NEB: variants seen among roughly 807,000 people sequenced by gnomAD.
NEB encodes the protein nebulin.
In NEB, 512 loss-of-function variants were observed where a neutral mutation model predicts 952.2. That is an observed-to-expected ratio of 0.54 (90% confidence interval 0.50 to 0.58). The LOEUF is 0.58. NEB is among the 20% of genes least tolerant of loss of function. The pLI is 0.00. For missense variants in NEB, 8,428 were observed against 9,231.1 expected (o/e 0.91, Z 3.56); for synonymous variants, 2,900 against 3,149.8 (o/e 0.92, Z 2.66).
intron 34 of NEB, among the ~76,000 whole-genome samples, chr2:151,676,071 T>A (rs2099356989): frequency 6.6e-6 from 1 of 152,194 alleles, no homozygotes. Flanking sequence ...AGATTTTCAA[T>A]CTCATAATTC....
At chr2:151,506,758 G>T (rs2069333069) in intron 163 of NEB, 151 bp downstream of exon 163, 1 of 598,562 alleles carries the variant, frequency 1.7e-6, no homozygotes. Flanking sequence ...TGATTTTGGA[G>T]CAAAGTATTG....
chr2:151,500,470 A>G (rs1203069483), intron 168 of NEB, among the ~76,000 whole-genome samples: 1 of 152,124 alleles, frequency 6.6e-6, no homozygotes, highest in African/African-American at 2.4e-5. Flanking sequence ...AATATTAATA[A>G]AAGATAACAT....
intron 129 of NEB, 26 bp downstream of exon 129, chr2:151,551,712 G>A (rs764892301): frequency 6.4e-7 from 1 of 1,556,312 alleles, no homozygotes; most frequent in South Asian, 1.1e-5. Context: ...ATTTCTGCTG[G>A]GCACTCTCAA....
chr2:151,678,025 G>C lies in NEB; in HGVS notation c.3418C>G (p.Pro1140Ala), dbSNP rs958632222. Residue 1140 changes from proline to alanine, a missense_variant, in exon 33 of 182, where the codon CCC becomes GCC. Pro to Ala is a conservative substitution (Grantham distance 27). This residue lies in a region of NEB where 2,851 missense variants were observed against 2,791.5 expected (regional missense o/e 1.02). Coordinates refer to ENST00000397345, the MANE Select transcript of NEB (RefSeq NM_001164508.2). ...YEKTKSKYNT[P>A]HDMFNVVAAK... ...GCCACGACATTGAACATATCATGGG[G>C]CGTGTTGTATTTGGACTTTGTCTTC... 6.2e-7 allele frequency: 1 copy of C among 1,613,944 alleles called. No individual in the cohort carries two copies. Among genetic ancestry groups the C allele is most frequent in the Non-Finnish European group, 8.5e-7 (1 of 1,179,886 alleles).
Position 151,620,345 on chromosome 2 carries a change from G to GTATATATA in NEB, c.10560+573_10560+574insTATATATA, listed in dbSNP as rs775274994. 4.7e-3 allele frequency among the ~76,000 whole-genome samples: 412 copies of GTATATATA among 87,524 alleles called. 7 individuals are homozygous for GTATATATA. The highest frequency in any genetic ancestry group is 6.2e-3 in the Non-Finnish European group (285 of 46,132). 57.4% of individuals were successfully genotyped at this position (87,524 alleles called of 152,430 possible). On this transcript the variant is annotated intron_variant, in intron 72 of 181. Coordinates refer to ENST00000397345, the MANE Select transcript of NEB (RefSeq NM_001164508.2). ...TTTTATTATATATATATGTATGTGT[G>GTATATATA]TGTATATATATATATATATATATAT...
chr2:151,682,539 G>A (rs1225464558), intron 29 of NEB, 123 bp downstream of exon 29: 5 of 781,156 alleles, frequency 6.4e-6, no homozygotes, highest in Admixed American at 2.8e-5. Context: ...TGTGCACGTG[G>A]TAAGCTCTTT....
At position 151,610,038 on chromosome 2, in the gene NEB, C is replaced by A; in HGVS notation, c.12101G>T (p.Cys4034Phe). 1 of 1,613,806 alleles carries A rather than the reference C, an allele frequency of 6.2e-7. No homozygotes were observed. The highest frequency in any genetic ancestry group is 8.5e-7 in the Non-Finnish European group (1 of 1,179,820). ...QSIEDDPKIM[C>F]AIHAGKIQSE... Reference sequence around the variant, plus strand: ...TTGAATTTTTCCTGCATGTATGGCACACATAATCTTGGGATCATCTTCAAT... The same window carrying A: ...TTGAATTTTTCCTGCATGTATGGCAAACATAATCTTGGGATCATCTTCAAT... Residue 4034 changes from cysteine (C) to phenylalanine (F), a missense_variant, in exon 81 of 182, where the codon TGT (cysteine) becomes TTT (phenylalanine). Around this residue, in one of 11 missense-constraint regions of NEB, gnomAD observed 337 missense variants for 297.5 expected, o/e 1.13. Coordinates refer to ENST00000397345, the MANE Select transcript of NEB (RefSeq NM_001164508.2).
intron 36 of NEB, among the ~76,000 whole-genome samples, 196 bp downstream of exon 36, chr2:151,674,281 A>G (rs532427194): frequency 4.5e-4 from 69 of 152,342 alleles, no homozygotes; most frequent in African/African-American, 1.4e-3. Flanking sequence ...GATTTATGAC[A>G]GCTCTACCAA....
rs1450326061 is a variant in NEB, at chr2:151,513,122, C to T, written c.23242-285G>A. 3.3e-5 allele frequency among the ~76,000 whole-genome samples: 5 copies of T among 152,070 alleles called. No individual in the cohort carries two copies. In the East Asian group the frequency reaches 5.8e-4, roughly 18 times the overall value. ...TAGTAAGGCATGGATTGTTTACATACGAGCTGGGAGGATGACAAATAAGCA... is the reference window on the plus strand; with the variant it reads ...TAGTAAGGCATGGATTGTTTACATATGAGCTGGGAGGATGACAAATAAGCA... On this transcript the variant is annotated intron_variant, in intron 160 of 181. Transcript: ENST00000397345.
chr2:151,506,523 T>C (rs2069031775), intron 163 of NEB: 8 of 449,668 alleles, frequency 1.8e-5, no homozygotes, highest in South Asian at 4.2e-5. Context: ...CCAGGAAATG[T>C]TGATTAACAA....
chr2:151,499,497 G>C, intron 168 of NEB, 107 bp from the exon 169 acceptor site: 1 of 664,398 alleles, frequency 1.5e-6, no homozygotes. Context: ...AGACAGAAAA[G>C]ACAGATTCAA....
chr2:151,532,028 T>C, intron 143 of NEB, 132 bp from the exon 144 acceptor site: 1 of 615,388 alleles, frequency 1.6e-6, no homozygotes, highest in Non-Finnish European at 2.8e-6. Context: ...TGGAAATGTT[T>C]ACTATAAATT....
chr2:151,664,588 C>G lies in NEB; in HGVS notation c.5364G>C (p.Trp1788Cys). ...TMSDKLYKAGWEEEKKKGYDL... is the reference protein window; with the variant it reads ...TMSDKLYKAGCEEEKKKGYDL... The stretch of plus-strand genomic sequence containing the variant: ...CATATCCTTTCTTCTTTTCCTCTTC[C>G]CAGCCAGCTTTGTACAGTTTCTAAA... Residue 1788 changes from tryptophan to cysteine, a missense_variant, in exon 44 of 182, where the codon TGG (tryptophan) becomes TGC (cysteine). This residue lies in a region of NEB where 2,851 missense variants were observed against 2,791.5 expected (regional missense o/e 1.02). Transcript: ENST00000397345. The G allele has an allele frequency of 6.2e-7, 1 of 1,606,544 alleles. No individual in the cohort carries two copies. The highest frequency in any genetic ancestry group is 8.5e-7 in the Non-Finnish European group (1 of 1,176,342).
Position 151,567,373 on chromosome 2 carries a change from T to C in NEB, c.17951A>G (p.Gln5984Arg), listed in dbSNP as rs1162836004. The C allele has an allele frequency of 6.2e-7, 1 of 1,613,810 alleles. No homozygotes were observed. Among genetic ancestry groups the C allele is most frequent in the African/African-American group, 1.3e-5 (1 of 74,930 alleles). ...LVWFEHAGQIQNERLYKEDYH... is the reference protein window; with the variant it reads ...LVWFEHAGQIRNERLYKEDYH... The stretch of plus-strand genomic sequence containing the variant: ...GTCCTCTTTGTATAGTCTCTCATTC[T>C]GAATCTGGCCTGCATGCTCAAACCA... The change falls in exon 114 of 182, where the codon CAG becomes CGG. Residue 5984 changes from glutamine to arginine, a missense_variant. Around this residue, in one of 11 missense-constraint regions of NEB, gnomAD observed 3,374 missense variants for 3,651.5 expected, o/e 0.92. Coordinates refer to ENST00000397345, the MANE Select transcript of NEB (RefSeq NM_001164508.2).
In NEB at chr2:151,643,836, G is replaced by A. The variant is rs923188107; in HGVS notation, c.7938C>T (p.Ala2646=). 1.9e-6 allele frequency: 3 copies of A among 1,613,674 alleles called. No individual in the cohort carries two copies. Among genetic ancestry groups the A allele is most frequent in the Non-Finnish European group, 2.5e-6 (3 of 1,179,610 alleles). The change falls in exon 57 of 182, where the codon GCC becomes GCT. Residue 2646 remains alanine (A), a synonymous_variant. Transcript: ENST00000397345. The part of the protein sequence containing the change: ...DQSDVIHARQ[A]YDLQSDNLYK... ...GACTCACATCGCTCTGGAGGTCATA[G>A]GCCTGCCGAGCATGGATGACATCGC...
Position 151,732,110 on chromosome 2 carries a change from A to G in NEB, c.36+1011T>C, listed in dbSNP as rs118100369. 1.1e-3 allele frequency among the ~76,000 whole-genome samples: 163 copies of G among 152,310 alleles called. 3 individuals are homozygous for G. In the East Asian group the frequency reaches 0.029, roughly 27 times the overall value. On this transcript the variant is annotated intron_variant, in intron 3 of 181. Transcript: ENST00000397345. ...TGCCACCTAAAATTTGGTTCTGGGT[A>G]GCTCTTACAGTTAATTTCAGTCTTA... is the stretch of plus-strand genomic sequence containing the variant.
At chr2:151,487,498 T>C (rs1444625550) in intron 181 of NEB, among the ~76,000 whole-genome samples, 1 of 152,210 alleles carries the variant, frequency 6.6e-6, no homozygotes, top group Non-Finnish European at 1.5e-5. Flanking sequence ...GTTCTTTCCA[T>C]TTAATATAGC....
At chr2:151,560,827 G>T in intron 123 of NEB, 128 bp from the exon 124 acceptor site, 1 of 783,514 alleles carries the variant, frequency 1.3e-6, no homozygotes, top group Non-Finnish European at 2.0e-6. Flanking sequence ...TCCTCTTTAA[G>T]GTGGGGCTTA....
chr2:151,541,691 C>T, intron 135 of NEB, 140 bp from the exon 136 acceptor site: 1 of 644,298 alleles, frequency 1.6e-6, no homozygotes, highest in Non-Finnish European at 2.7e-6. Context: ...AATAAACCAA[C>T]CTTTTATTTA....
Sources: allele counts gnomAD v4.1 joint callset (sites outside exome capture counted in the v4.1 genomes callset), GRCh38; gene constraint gnomAD v4.1.1; regional missense constraint gnomAD v4.1.1; transcripts MANE v1.5; gene names NCBI Gene and HGNC (gene_info 2026-07-23, HGNC 2026-07-21).